KIAA1328: variants seen among roughly 807,000 people sequenced by gnomAD.
KIAA1328 encodes protein hinderin.
In KIAA1328, 52 loss-of-function variants were observed where a neutral mutation model predicts 68.1. The ratio of observed to expected loss-of-function variants is 0.76; its 90% CI spans 0.61 to 0.96. The LOEUF is 0.96. Ranked by LOEUF, KIAA1328 falls within the 40% of genes least tolerant of loss-of-function variation. KIAA1328 has a pLI of 0.00. For missense variants in KIAA1328, 641 were observed against 677.6 expected (o/e 0.95, Z 0.60); for synonymous variants, 232 against 239.4 (o/e 0.97, Z 0.28).
At chr18:37,063,373 G>A (rs2056226730) in intron 6 of KIAA1328, among the ~76,000 whole-genome samples, 1 of 152,086 alleles carries the variant, frequency 6.6e-6, no homozygotes, top group Admixed American at 6.5e-5. Flanking sequence ...CTTTTAAAGG[G>A]CTTACCTGAT....
rs1248713530 is a variant in KIAA1328 at position 36,953,050 on chromosome 18, A to G, written c.449-6258A>G. Reference sequence around the variant, plus strand: ...AATGTTTTATTATGATAACTTTCAAATATATAGAGAGTTGACAATATGGCA... The same window carrying G: ...AATGTTTTATTATGATAACTTTCAAGTATATAGAGAGTTGACAATATGGCA... On this transcript the variant is annotated intron_variant, in intron 5 of 9. Transcript: ENST00000280020. Among the ~76,000 whole-genome samples, 6 of 151,920 alleles carry G rather than the reference A, an allele frequency of 3.9e-5. No individual in the cohort carries two copies. The South Asian group carries it at 1.0e-3, about 26-fold the overall frequency.
chr18:36,920,803 A>G (rs2049890505), intron 5 of KIAA1328, among the ~76,000 whole-genome samples: 1 of 152,026 alleles, frequency 6.6e-6, no homozygotes, highest in Non-Finnish European at 1.5e-5. Context: ...GTTTCATTCC[A>G]TAAGTATATG....
At chr18:36,947,757 T>G (rs1301952397) in intron 5 of KIAA1328, among the ~76,000 whole-genome samples, 1 of 152,112 alleles carries the variant, frequency 6.6e-6, no homozygotes, top group African/African-American at 2.4e-5. Flanking sequence ...ATGTAGATTT[T>G]CCCCACAAGA....
At chr18:36,994,699 G>C (rs2053321636) in intron 6 of KIAA1328, among the ~76,000 whole-genome samples, 1 of 152,082 alleles carries the variant, frequency 6.6e-6, no homozygotes, top group African/African-American at 2.4e-5. Context: ...GACTCATTCT[G>C]CTTATTTTAG....
intron 5 of KIAA1328, among the ~76,000 whole-genome samples, chr18:36,937,463 G>A (rs893508515): frequency 9.9e-5 from 15 of 152,044 alleles, no homozygotes; most frequent in Non-Finnish European, 1.5e-4. Context: ...CTACCCATCC[G>A]ACAAAGGTCT....
intron 6 of KIAA1328, among the ~76,000 whole-genome samples, chr18:37,059,346 G>T (rs2056055807): frequency 1.3e-5 from 2 of 151,954 alleles, no homozygotes; most frequent in African/African-American, 4.8e-5. Context: ...AAATTTACAT[G>T]AAAAAAACAA....
At chr18:36,957,175 A>G (rs996905854) in intron 5 of KIAA1328, among the ~76,000 whole-genome samples, 10 of 152,216 alleles carry the variant, frequency 6.6e-5, no homozygotes, top group Non-Finnish European at 1.3e-4. Flanking sequence ...CCCCGAAGCA[A>G]TGATTAGGTT....
At chr18:37,125,169 A>C (rs1011056470) in intron 7 of KIAA1328, among the ~76,000 whole-genome samples, 2 of 152,076 alleles carry the variant, frequency 1.3e-5, no homozygotes, top group Non-Finnish European at 2.9e-5. Flanking sequence ...TTCTACAAAA[A>C]ATTAGCCAGG....
chr18:37,091,271 C>T lies in KIAA1328; in HGVS notation c.1232+23726C>T, dbSNP rs148901263. Among the ~76,000 whole-genome samples, 318 of 152,262 alleles carry T rather than the reference C, an allele frequency of 2.1e-3. 2 individuals carry two copies. The highest frequency in any genetic ancestry group is 0.017 in the Middle Eastern group (5 of 294). On this transcript the variant is annotated intron_variant, in intron 7 of 9. Coordinates refer to ENST00000280020, the MANE Select transcript of KIAA1328 (RefSeq NM_020776.3). Reference sequence around the variant, plus strand: ...GCACTGGAATTCAACAGGGAAGTCACAGGGAACCTCTGAGGCACAGAAGGA... The same window carrying T: ...GCACTGGAATTCAACAGGGAAGTCATAGGGAACCTCTGAGGCACAGAAGGA...
intron 6 of KIAA1328, among the ~76,000 whole-genome samples, chr18:37,031,135 A>G (rs1425996308): frequency 6.6e-6 from 1 of 152,238 alleles, no homozygotes; most frequent in Non-Finnish European, 1.5e-5. Flanking sequence ...TAGTGCCGCA[A>G]TAAACATATG....
chr18:37,115,483 C>G (rs1030382154), intron 7 of KIAA1328, among the ~76,000 whole-genome samples: 2 of 152,176 alleles, frequency 1.3e-5, no homozygotes, highest in Admixed American at 6.5e-5. Context: ...GCTAAAAACT[C>G]TCAATAAGCT....
chr18:36,864,633 G>A lies in KIAA1328; in HGVS notation c.332+20331G>A, dbSNP rs528950219. 5.7e-5 allele frequency among the ~76,000 whole-genome samples: 8 copies of A among 141,194 alleles called. No individual in the cohort carries two copies. The South Asian group carries it at 1.8e-3, about 32-fold the overall frequency. 92.6% of individuals were successfully genotyped at this position (141,194 alleles called of 152,430 possible). A position where few individuals can be genotyped will look rare whatever the true frequency, so the allele number is the denominator to read the frequency against. On this transcript the variant is annotated intron_variant, in intron 4 of 9. Transcript: ENST00000280020. ...TTTGTACTGTCTTGGTCTGTTTTTG[G>A]TATTATACTAGCCTCAAAATGAGTT...
At chr18:37,194,695 C>G (rs1186920350) in intron 9 of KIAA1328, among the ~76,000 whole-genome samples, 2 of 152,178 alleles carry the variant, frequency 1.3e-5, no homozygotes, top group Non-Finnish European at 2.9e-5. Context: ...GACAAAGTCT[C>G]TGTCGCCCAG....
At chr18:36,990,538 G>A (rs1474519128) in intron 6 of KIAA1328, among the ~76,000 whole-genome samples, 1 of 151,956 alleles carries the variant, frequency 6.6e-6, no homozygotes, top group Non-Finnish European at 1.5e-5. Context: ...ACTGGGCATG[G>A]TGACACACAT....
intron 6 of KIAA1328, among the ~76,000 whole-genome samples, chr18:37,033,830 A>T (rs559289912): frequency 6.6e-6 from 1 of 152,180 alleles, no homozygotes; most frequent in East Asian, 1.9e-4. Flanking sequence ...GATAGTCTGG[A>T]CTGTTTATCT....
chr18:36,972,634 A>T (rs918981456), intron 6 of KIAA1328, among the ~76,000 whole-genome samples: 1 of 152,202 alleles, frequency 6.6e-6, no homozygotes, highest in Non-Finnish European at 1.5e-5. Flanking sequence ...ATGAAACAAC[A>T]GTTAACTTAC....
intron 7 of KIAA1328, among the ~76,000 whole-genome samples, chr18:37,124,715 A>G (rs534607311): frequency 6.6e-6 from 1 of 152,156 alleles, no homozygotes; most frequent in Non-Finnish European, 1.5e-5. Context: ...TTCAACTGCC[A>G]TTCTGGCTCA....
intron 6 of KIAA1328, among the ~76,000 whole-genome samples, chr18:37,025,168 A>T (rs1357803819): frequency 1.3e-5 from 2 of 152,296 alleles, no homozygotes; most frequent in Admixed American, 1.3e-4. Context: ...ATTCAACAAG[A>T]AGAGCTATCC....
intron 9 of KIAA1328, among the ~76,000 whole-genome samples, chr18:37,198,067 G>C (rs4408609): frequency 0.28 from 41,864 of 151,958 alleles, 9,251 homozygotes; most frequent in African/African-American, 0.62. Flanking sequence ...AACCTTGAGT[G>C]AAAGAAGCCA....
Sources: allele counts gnomAD v4.1 joint callset (sites outside exome capture counted in the v4.1 genomes callset), GRCh38; gene constraint gnomAD v4.1.1; transcripts MANE v1.5; gene names NCBI Gene and HGNC (gene_info 2026-07-23, HGNC 2026-07-21).